MAPK10: variants seen among roughly 807,000 people sequenced by gnomAD.
The protein encoded by MAPK10 is mitogen-activated protein kinase 10, also known as JNK3 alpha protein kinase.
Under a neutral mutation model 59.3 loss-of-function variants are expected in MAPK10, and 25 were observed. The ratio of observed to expected loss-of-function variants is 0.42; its 90% CI spans 0.31 to 0.59. MAPK10 has a LOEUF of 0.59. Among genes scored for constraint, MAPK10 ranks in the 20% least tolerant of loss-of-function variants. The pLI is 0.15. For synonymous variants in MAPK10, 190 were observed against 200.5 expected, an observed-to-expected ratio of 0.95 and a Z score of 0.44; for missense variants, 351 against 568.9, an observed-to-expected ratio of 0.62 and a Z score of 3.90.
At chr4:86,403,331 G>A (rs1219432050) in intron 1 of MAPK10, among the ~76,000 whole-genome samples, 1 of 152,036 alleles carries the variant, frequency 6.6e-6, no homozygotes, top group Non-Finnish European at 1.5e-5. Context: ...TCTAGCCAAC[G>A]TGGTGAAATC....
chr4:86,504,041 AATCT>A (rs1755530158), intron 1 of MAPK10, among the ~76,000 whole-genome samples: 1 of 152,106 alleles, frequency 6.6e-6, no homozygotes, highest in African/African-American at 2.4e-5. Flanking sequence ...TTCTCTCTCC[AATCT>A]ATCAAAGTAA....
rs11341561 is a variant in MAPK10, at chr4:86,501,114, GAAAAAAAAAAAAAAAAAAAA to G, written c.-263+92776_-263+92795del. ...AATGATGTGAAACTCTCTACGATCT[GAAAAAAAAAAAAAAAAAAAA>G]AAAAAACTTTTAATTGATTCTTTTT... On this transcript the variant is annotated intron_variant, in intron 1 of 4. Transcript: ENST00000502302. Among the ~76,000 whole-genome samples, 74 of 87,878 alleles carry G rather than the reference GAAAAAAAAAAAAAAAAAAAA, an allele frequency of 8.4e-4. 1 individual carries two copies. The highest frequency in any genetic ancestry group is 3.2e-3 in the African/African-American group (66 of 20,924). The allele number at this position is 87,878 out of a possible 152,430, so 57.7% of individuals were successfully genotyped here. A position where few individuals can be genotyped will look rare whatever the true frequency, so the allele number is the denominator to read the frequency against.
At chr4:86,279,689 G>T (rs2094722077) in intron 2 of MAPK10, among the ~76,000 whole-genome samples, 1 of 152,012 alleles carries the variant, frequency 6.6e-6, no homozygotes, top group Non-Finnish European at 1.5e-5. Flanking sequence ...TTACTAGGGG[G>T]GGCTCAACTA....
At chr4:86,540,451 G>A (rs1286875189) in intron 1 of MAPK10, among the ~76,000 whole-genome samples, 6 of 152,040 alleles carry the variant, frequency 3.9e-5, no homozygotes, top group Non-Finnish European at 7.4e-5. Flanking sequence ...AGTGAGCCGG[G>A]ATCACATCAC....
chr4:86,312,309 A>C (rs1008815921), intron 2 of MAPK10, among the ~76,000 whole-genome samples: 5 of 152,118 alleles, frequency 3.3e-5, no homozygotes, highest in Non-Finnish European at 7.4e-5. Context: ...CTATTTAGTC[A>C]TCACAGTACA....
At chr4:86,348,190 A>G (rs11097109) in intron 2 of MAPK10, among the ~76,000 whole-genome samples, 111,319 of 151,992 alleles carry the variant, frequency 0.73, 41,383 homozygotes, top group South Asian at 0.91. Flanking sequence ...GGCTCTATTT[A>G]GGTCCAATAT....
chr4:86,487,573 C>CA lies in MAPK10; in HGVS notation c.-263+106336dup, dbSNP rs528517944. Among the ~76,000 whole-genome samples, 514 of 151,012 alleles carry CA rather than the reference C, an allele frequency of 3.4e-3. 5 individuals are homozygous for CA. Among genetic ancestry groups the CA allele is most frequent in the Non-Finnish European group, 5.1e-3 (345 of 67,652 alleles). ...TGAAACCCCGTCTCTACTAAAAATA[C>CA]AAAAAAAATTAGCCAGGCATGGTGG... On this transcript the variant is annotated intron_variant, in intron 1 of 4. Transcript: ENST00000502302.
At chr4:86,348,784 G>A (rs967520629) in intron 2 of MAPK10, among the ~76,000 whole-genome samples, 2 of 152,226 alleles carry the variant, frequency 1.3e-5, no homozygotes, top group East Asian at 3.9e-4. Context: ...TATGAAAGCC[G>A]TTAAATATTG....
At chr4:86,517,220 T>C (rs907911117) in intron 1 of MAPK10, among the ~76,000 whole-genome samples, 1 of 151,962 alleles carries the variant, frequency 6.6e-6, no homozygotes, top group African/African-American at 2.4e-5. Context: ...TTTATTGACT[T>C]GAATACCTGA....
chr4:86,559,717 T>A (rs972408054), intron 1 of MAPK10, among the ~76,000 whole-genome samples: 1 of 152,086 alleles, frequency 6.6e-6, no homozygotes, highest in African/African-American at 2.4e-5. Flanking sequence ...AGGATCACTA[T>A]GTCAGGAGAT....
chr4:86,315,533 T>A (rs2095764191), intron 2 of MAPK10, among the ~76,000 whole-genome samples: 1 of 152,084 alleles, frequency 6.6e-6, no homozygotes, highest in Admixed American at 6.6e-5. Flanking sequence ...ACACCTACTA[T>A]GTACCTACAA....
At chr4:86,147,327 C>T (rs2065246117) in intron 4 of MAPK10, among the ~76,000 whole-genome samples, 2 of 152,072 alleles carry the variant, frequency 1.3e-5, no homozygotes, top group Non-Finnish European at 1.5e-5. Flanking sequence ...CAGTCTTAAG[C>T]GATCTGCCTG....
intron 1 of MAPK10, among the ~76,000 whole-genome samples, chr4:86,565,706 G>A (rs1761010707): frequency 6.6e-6 from 1 of 152,162 alleles, no homozygotes; most frequent in Non-Finnish European, 1.5e-5. Context: ...GATTTAGCTT[G>A]CATACAATAT....
At chr4:86,368,614 T>G (rs939577507) in intron 1 of MAPK10, among the ~76,000 whole-genome samples, 3 of 152,186 alleles carry the variant, frequency 2.0e-5, no homozygotes, top group African/African-American at 7.2e-5. Context: ...CAACTGTTAT[T>G]AAGCTTATAA....
At chr4:86,063,251 C>A (rs1057158645) in intron 11 of MAPK10, among the ~76,000 whole-genome samples, 1 of 152,062 alleles carries the variant, frequency 6.6e-6, no homozygotes, top group African/African-American at 2.4e-5. Context: ...GAATCTAGCA[C>A]CTCTGACATG....
intron 1 of MAPK10, among the ~76,000 whole-genome samples, chr4:86,541,181 T>C (rs1479695689): frequency 6.6e-6 from 1 of 151,962 alleles, no homozygotes; most frequent in African/African-American, 2.4e-5. Flanking sequence ...ACAGCTGGCT[T>C]ATGGGGAAAG....
chr4:86,050,162 C>T (rs1029545091), intron 11 of MAPK10, among the ~76,000 whole-genome samples: 1 of 151,976 alleles, frequency 6.6e-6, no homozygotes, highest in Non-Finnish European at 1.5e-5. Flanking sequence ...CCTTTTGGTC[C>T]CATTTGAGGC....
At chr4:86,083,078 CT>C (rs1579914813) in intron 9 of MAPK10, among the ~76,000 whole-genome samples, 1 of 152,070 alleles carries the variant, frequency 6.6e-6, no homozygotes, top group South Asian at 2.1e-4. Context: ...GATATAATAT[CT>C]TTTTAACATT....
intron 9 of MAPK10, 136 bp downstream of exon 9, chr4:86,098,388 T>C: frequency 7.5e-7 from 1 of 1,331,466 alleles, no homozygotes; most frequent in Non-Finnish European, 1.0e-6. Flanking sequence ...ATTATAGAAA[T>C]TATCACTTTT....
Sources: allele counts gnomAD v4.1 joint callset (sites outside exome capture counted in the v4.1 genomes callset), GRCh38; gene constraint gnomAD v4.1.1; transcripts MANE v1.5; gene names NCBI Gene and HGNC (gene_info 2026-07-23, HGNC 2026-07-21).